The following NASP variants were observed in gnomAD, a reference collection of about 807,000 sequenced individuals.
The protein encoded by NASP is NASP histone chaperone.
Under a neutral mutation model 89.5 loss-of-function variants are expected in NASP, and 24 were observed. The ratio of observed to expected loss-of-function variants is 0.27; its 90% CI spans 0.19 to 0.38. NASP has a LOEUF of 0.38. Ranked by LOEUF, NASP falls within the 10% of genes least tolerant of loss-of-function variation. The pLI is 1.00. For missense variants in NASP, 848 were observed against 921.4 expected (o/e 0.92, Z 1.03); for synonymous variants, 306 against 324.7 (o/e 0.94, Z 0.62).
At chr1:45,617,985 G>A in intron 14 of NASP, 76 bp from the exon 15 acceptor site, 1 of 1,313,170 alleles carries the variant, frequency 7.6e-7, no homozygotes, top group Non-Finnish European at 1.1e-6. Flanking sequence ...TGCTTCCTAT[G>A]ACTGAGGCCT....
chr1:45,614,015 T>C lies in NASP; in HGVS notation c.1507-81T>C, dbSNP rs1644061172. On this transcript the variant is annotated intron_variant, in intron 7 of 14. Transcript: ENST00000350030. Reference sequence around the variant, plus strand: ...CAAATTTTGAATCGTATATCAACTTTTTTTAAGCTACGCTAAGTTATACAT... The same window carrying C: ...CAAATTTTGAATCGTATATCAACTTCTTTTAAGCTACGCTAAGTTATACAT... 6 of 1,176,104 alleles carry C rather than the reference T, an allele frequency of 5.1e-6. No individual in the cohort carries two copies. The Middle Eastern group carries it at 8.4e-4, about 164-fold the overall frequency. 72.9% of individuals were successfully genotyped at this position (1,176,104 alleles called of 1,614,324 possible). A position where few individuals can be genotyped will look rare whatever the true frequency, so the allele number is the denominator to read the frequency against.
intron 13 of NASP, 21 bp from the exon 14 acceptor site, chr1:45,617,442 C>G (rs915328952): frequency 7.5e-6 from 12 of 1,603,796 alleles, no homozygotes; most frequent in East Asian, 2.2e-5. Context: ...ATTTGTGAAG[C>G]CTTCACAATT....
intron 2 of NASP, among the ~76,000 whole-genome samples, chr1:45,599,438 C>G (rs955346115): frequency 4.6e-5 from 7 of 150,924 alleles, no homozygotes; most frequent in African/African-American, 1.7e-4. Flanking sequence ...CTTTTCTTTT[C>G]TTTTTTTGAG....
chr1:45,586,261 TGTGTGTGTGTGTGTGTGTGTGTG>T (rs1300369621), intron 1 of NASP, among the ~76,000 whole-genome samples: 75 of 66,060 alleles, frequency 1.1e-3, no homozygotes, highest in African/African-American at 3.2e-3. Flanking sequence ...TGTGTGTGTG[TGTGTGTGTGTGTGTGTGTGTGTG>T]GTGTGTGTGT....
At chr1:45,590,672 CATA>C (rs1643522147) in intron 1 of NASP, among the ~76,000 whole-genome samples, 1 of 141,162 alleles carries the variant, frequency 7.1e-6, no homozygotes, top group African/African-American at 2.6e-5. Context: ...ATATTGCAGT[CATA>C]GTGTAACTTT....
intron 7 of NASP, among the ~76,000 whole-genome samples, chr1:45,613,803 A>C (rs370330888): frequency 3.3e-5 from 5 of 152,262 alleles, no homozygotes; most frequent in African/African-American, 1.2e-4. Context: ...CATGATTATT[A>C]TAGATAACTG....
chr1:45,602,177 A>G, intron 2 of NASP, 78 bp from the exon 3 acceptor site: 2 of 1,510,692 alleles, frequency 1.3e-6, no homozygotes, highest in Non-Finnish European at 1.8e-6. Flanking sequence ...AAATGAAACT[A>G]TTGCTCAAAT....
chr1:45,616,780 C>T, intron 13 of NASP, 77 bp downstream of exon 13: 1 of 1,345,350 alleles, frequency 7.4e-7, no homozygotes, highest in African/African-American at 1.4e-5. Flanking sequence ...AAACCCCTCC[C>T]TATAGTTGGT....
At chr1:45,590,414 G>T (rs776160858) in intron 1 of NASP, among the ~76,000 whole-genome samples, 1 of 151,164 alleles carries the variant, frequency 6.6e-6, no homozygotes, top group Non-Finnish European at 1.5e-5. Context: ...CATGGTGGCC[G>T]GTGCACAGGC....
chr1:45,588,700 A>G, intron 1 of NASP: 1 of 424,902 alleles, frequency 2.4e-6, no homozygotes, highest in Non-Finnish European at 4.7e-6. Flanking sequence ...GCACTTTGGG[A>G]GGCCGAGGTG....
chr1:45,616,143 T>C (rs764248675), intron 11 of NASP, among the ~76,000 whole-genome samples, 194 bp from the exon 12 acceptor site: 5 of 152,076 alleles, frequency 3.3e-5, no homozygotes, highest in Non-Finnish European at 5.9e-5. Context: ...TTATGTACAC[T>C]CTATGTATAG....
chr1:45,592,965 C>A (rs541712213), intron 2 of NASP, among the ~76,000 whole-genome samples: 1 of 152,294 alleles, frequency 6.6e-6, no homozygotes, highest in South Asian at 2.1e-4. Context: ...TGAAAACTGC[C>A]ATGAAATAGC....
At chr1:45,589,913 A>G (rs1247186928) in intron 1 of NASP, among the ~76,000 whole-genome samples, 1 of 152,084 alleles carries the variant, frequency 6.6e-6, no homozygotes, top group African/African-American at 2.4e-5. Flanking sequence ...ACAAAACAAA[A>G]CTGAATCAGA....
At chr1:45,607,232 T>A in intron 5 of NASP, 89 bp from the exon 6 acceptor site, 1 of 1,357,938 alleles carries the variant, frequency 7.4e-7, no homozygotes, top group Non-Finnish European at 1.0e-6. Context: ...TTTTTGAGGG[T>A]TTAAAGGGAA....
chr1:45,617,895 TCA>T (rs1644134449), intron 14 of NASP, among the ~76,000 whole-genome samples, 164 bp from the exon 15 acceptor site: 2 of 152,240 alleles, frequency 1.3e-5, no homozygotes, highest in East Asian at 3.8e-4. Context: ...AGCCCCATTA[TCA>T]CAGAGTATTC....
In NASP at chr1:45,602,383, T is replaced by A; in HGVS notation, c.218+18T>A. On this transcript the variant is annotated intron_variant, in intron 3 of 14. Coordinates refer to ENST00000350030, the MANE Select transcript of NASP (RefSeq NM_002482.4). ...AGTCTTTTGTAAGTATTGTATATTT[T>A]GCTATGATGTAATATTATGTTCTAA... The A allele has an allele frequency of 6.2e-7, 1 of 1,605,246 alleles. No homozygotes were observed. The highest frequency in any genetic ancestry group is 8.5e-7 in the Non-Finnish European group (1 of 1,175,230).
intron 4 of NASP, chr1:45,605,808 C>T (rs1484568748): frequency 1.5e-5 from 2 of 137,698 alleles, no homozygotes; most frequent in African/African-American, 2.8e-5. Context: ...CGGAGTTTCA[C>T]TCCTGTCACC....
At position 45,607,381 on chromosome 1, in the gene NASP, C is replaced by T. The variant is rs1484393245; in HGVS notation, c.470C>T (p.Ala157Val). The change falls in exon 6 of 15, where the codon GCC becomes GTC. Residue 157 changes from alanine (A) to valine (V), a missense_variant. By Grantham distance (64) the Ala-to-Val change is moderately conservative (BLOSUM62 0). Coordinates refer to ENST00000350030, the MANE Select transcript of NASP (RefSeq NM_002482.4). ...GACGCCATGGGAGAAAAAGAAGAAG[C>T]CAAAAAAACAGAAGACAAGTCTTTG... ...VYDAMGEKEE[A>V]KKTEDKSLAK... 7 of 1,613,532 alleles carry T rather than the reference C, an allele frequency of 4.3e-6. No individual in the cohort carries two copies. Among genetic ancestry groups the T allele is most frequent in the Admixed American group, 1.7e-5 (1 of 59,956 alleles).
intron 1 of NASP, among the ~76,000 whole-genome samples, chr1:45,586,288 T>TGTGTGTGTGTGTGTGTGTGTG (rs1557646570): frequency 5.2e-5 from 5 of 95,778 alleles, no homozygotes; most frequent in Admixed American, 1.0e-4. Context: ...GTGTGTGGTG[T>TGTGTGTGTGTGTGTGTGTGTG]GTGTGTGTGT....
Sources: allele counts gnomAD v4.1 joint callset (sites outside exome capture counted in the v4.1 genomes callset), GRCh38; gene constraint gnomAD v4.1.1; transcripts MANE v1.5; gene names NCBI Gene and HGNC (gene_info 2026-07-23, HGNC 2026-07-21).